Variants in CDH23 observed in about 807,000 individuals in gnomAD.
CDH23 encodes cadherin related 23, also known as cadherin-23.
A neutral mutation model predicts 317.1 loss-of-function variants in CDH23; 189 were observed. The observed-to-expected ratio is 0.60, with a 90% CI of 0.53 to 0.67. CDH23 has a LOEUF of 0.67. Ranked by LOEUF, CDH23 falls within the 30% of genes least tolerant of loss-of-function variation. CDH23 has a pLI of 0.00. For synonymous variants in CDH23, 1,839 were observed against 1,876.8 expected (o/e 0.98, Z 0.52); for missense variants, 4,401 against 4,592.4 (o/e 0.96, Z 1.20).
intron 38 of CDH23, among the ~76,000 whole-genome samples, chr10:71,763,729 TA>T (rs1196870142): frequency 6.6e-6 from 1 of 152,228 alleles, no homozygotes. Context: ...AAGTGTTCTG[TA>T]AGTGCCATGC....
intron 1 of CDH23, among the ~76,000 whole-genome samples, chr10:71,428,579 T>G (rs1325458527): frequency 6.6e-6 from 1 of 151,886 alleles, no homozygotes; most frequent in African/African-American, 2.4e-5. Context: ...ATTGGCCATT[T>G]GTATATCTTC....
At chr10:71,696,845 C>G (rs1274288023) in intron 22 of CDH23, among the ~76,000 whole-genome samples, 1 of 152,208 alleles carries the variant, frequency 6.6e-6, no homozygotes, top group Non-Finnish European at 1.5e-5. Context: ...AAACCAGGAC[C>G]CTCGCCCTTT....
chr10:71,510,233 T>G lies in CDH23; in HGVS notation c.288+9T>G, dbSNP rs780039719. 22 of 1,612,386 alleles carry G rather than the reference T, an allele frequency of 1.4e-5. No homozygotes were observed. Among genetic ancestry groups the G allele is most frequent in the Non-Finnish European group, 5.1e-6 (6 of 1,179,342 alleles). ...AGCCACTGGACAGAGAGGTATGACT[T>G]GCCCATACCCCTGCCCCAATTCTCT... On this transcript the variant is annotated intron_variant, in intron 4 of 69. Coordinates refer to ENST00000224721, the MANE Select transcript of CDH23 (RefSeq NM_022124.6).
chr10:71,690,608 C>A, intron 20 of CDH23, 24 bp downstream of exon 20: 1 of 1,506,110 alleles, frequency 6.6e-7, no homozygotes, highest in Non-Finnish European at 9.1e-7. Flanking sequence ...CCCCAAGTAC[C>A]CTGGTCCTCC....
In CDH23 at chr10:71,772,646, A is replaced by G. The variant is rs184014554; in HGVS notation, c.4846-5034A>G. Among the ~76,000 whole-genome samples, 320 of 152,298 alleles carry G rather than the reference A, an allele frequency of 2.1e-3. 1 individual carries two copies. The highest frequency in any genetic ancestry group is 7.0e-3 in the African/African-American group (290 of 41,562). ...AAACTGAGGCCAGAGAGATGCCGTA[A>G]TTTATCCAGGGACCCAGAAGGGGCT... On this transcript the variant is annotated intron_variant, in intron 38 of 69. Transcript: ENST00000224721.
intron 14 of CDH23, among the ~76,000 whole-genome samples, chr10:71,654,187 C>T (rs1014788927): frequency 6.6e-6 from 1 of 152,160 alleles, no homozygotes; most frequent in African/African-American, 2.4e-5. Flanking sequence ...GGTCTGGGGA[C>T]ATGGACTCGG....
rs138583584 is a variant in CDH23 at position 71,577,111 on chromosome 10, G to A, written c.754-803G>A. 3.9e-5 allele frequency among the ~76,000 whole-genome samples: 6 copies of A among 152,066 alleles called. No individual in the cohort carries two copies. In the East Asian group the frequency reaches 5.8e-4, roughly 15 times the overall value. Reference sequence around the variant, plus strand: ...GGTGGACTTCTCCCCTTTTTTGTACGTTTCTCCATGTGAGCCATATGTGTA... The same window carrying A: ...GGTGGACTTCTCCCCTTTTTTGTACATTTCTCCATGTGAGCCATATGTGTA... On this transcript the variant is annotated intron_variant, in intron 8 of 69. Coordinates refer to ENST00000224721, the MANE Select transcript of CDH23 (RefSeq NM_022124.6).
intron 6 of CDH23, among the ~76,000 whole-genome samples, chr10:71,550,578 G>A (rs11597560): frequency 0.62 from 78,277 of 125,442 alleles, 24,482 homozygotes; most frequent in East Asian, 0.86. Context: ...AAAAAAAAAA[G>A]AAAAAAGAAA....
intron 20 of CDH23, 57 bp downstream of exon 20, chr10:71,690,641 T>C (rs1865155837): frequency 7.8e-7 from 1 of 1,283,510 alleles, no homozygotes; most frequent in Non-Finnish European, 1.1e-6. Context: ...TGACTGTCCA[T>C]ACCCGGCCCC....
chr10:71,523,092 C>A (rs550217678), intron 6 of CDH23, among the ~76,000 whole-genome samples: 7 of 152,092 alleles, frequency 4.6e-5, no homozygotes, highest in African/African-American at 1.7e-4. Flanking sequence ...TTAGAGGAGC[C>A]GGCCCTGAGA....
chr10:71,427,154 C>CA (rs754534481), intron 1 of CDH23, among the ~76,000 whole-genome samples: 1,976 of 64,186 alleles, frequency 0.031, 113 homozygotes, highest in African/African-American at 0.078. Context: ...GACCCTGTCT[C>CA]AAAAAAAAAA....
rs553787185 is a variant in CDH23, at chr10:71,593,336, G to A, written c.832+15344G>A. Among the ~76,000 whole-genome samples the A allele has an allele frequency of 2.6e-5, 4 of 152,286 alleles. No homozygotes were observed. In the South Asian group the frequency reaches 8.3e-4, roughly 32 times the overall value. ...CCATATACCAAGGTAGACTCCAGATGGATTCAAGACCTAAATGTGAAACGT... is the reference window on the plus strand; with the variant it reads ...CCATATACCAAGGTAGACTCCAGATAGATTCAAGACCTAAATGTGAAACGT... On this transcript the variant is annotated intron_variant, in intron 9 of 69. Transcript: ENST00000224721.
At chr10:71,602,845 G>A (rs949845067) in intron 9 of CDH23, among the ~76,000 whole-genome samples, 2 of 152,146 alleles carry the variant, frequency 1.3e-5, no homozygotes, top group African/African-American at 4.8e-5. Context: ...GAGAGGGGAA[G>A]GTATTCTCAC....
chr10:71,428,122 C>T (rs1849191030), intron 1 of CDH23, among the ~76,000 whole-genome samples: 1 of 148,438 alleles, frequency 6.7e-6, no homozygotes. Flanking sequence ...TGCTCACCAA[C>T]ACTTGTTTCT....
chr10:71,450,163 C>A (rs1181273717), intron 3 of CDH23, among the ~76,000 whole-genome samples: 1 of 152,186 alleles, frequency 6.6e-6, no homozygotes, highest in East Asian at 1.9e-4. Flanking sequence ...TCACCCACAC[C>A]TTGGCCCTGC....
intron 24 of CDH23, 145 bp from the exon 25 acceptor site, chr10:71,704,766 T>C (rs952879884): frequency 4.4e-6 from 3 of 679,346 alleles, no homozygotes; most frequent in East Asian, 5.4e-5. Context: ...CTGGGGACAG[T>C]GGCCTGGCCT....
intron 41 of CDH23, among the ~76,000 whole-genome samples, chr10:71,783,673 A>G (rs943154126): frequency 6.6e-6 from 1 of 152,230 alleles, no homozygotes; most frequent in African/African-American, 2.4e-5. Flanking sequence ...AAAGGAAATC[A>G]GGGTCACCAC....
intron 38 of CDH23, among the ~76,000 whole-genome samples, chr10:71,771,107 G>A (rs548948358): frequency 3.2e-4 from 48 of 152,290 alleles, no homozygotes; most frequent in Middle Eastern, 3.4e-3. Flanking sequence ...AGTCCCAGAG[G>A]TTGGGAGTCC....
At chr10:71,565,372 G>A (rs1857340972) in intron 6 of CDH23, among the ~76,000 whole-genome samples, 1 of 152,148 alleles carries the variant, frequency 6.6e-6, no homozygotes, top group African/African-American at 2.4e-5. Context: ...GGAGGGGGTA[G>A]AGGAAGTAAG....
Sources: gnomAD v4.1 joint callset for allele counts (sites outside exome capture counted in the v4.1 genomes callset) on GRCh38, gnomAD v4.1.1 for gene constraint, MANE v1.5 for transcripts, NCBI Gene and HGNC (gene_info 2026-07-23, HGNC 2026-07-21) for gene names.